Variants in RPS6KC1 observed in about 807,000 individuals in gnomAD.
RPS6KC1 encodes ribosomal protein S6 kinase C1.
A neutral mutation model predicts 103.8 loss-of-function variants in RPS6KC1; 54 were observed. That is an observed-to-expected ratio of 0.52 (90% CI 0.42 to 0.65). RPS6KC1 has a LOEUF of 0.65. Ranked by LOEUF, RPS6KC1 falls within the 30% of genes least tolerant of loss-of-function variation. The pLI, the probability that RPS6KC1 is intolerant of heterozygous loss-of-function variation, is 0.00. For synonymous variants in RPS6KC1, 439 were observed against 438.7 expected, an observed-to-expected ratio of 1.00 and a Z score of -0.01; for missense variants, 1,151 against 1,253.8, an observed-to-expected ratio of 0.92 and a Z score of 1.24.
intron 12 of RPS6KC1, among the ~76,000 whole-genome samples, chr1:213,243,991 T>A (rs901505400): frequency 2.6e-5 from 4 of 152,300 alleles, no homozygotes; most frequent in African/African-American, 9.6e-5. Context: ...CCTAAAACGT[T>A]CCTGAAAGCA....
chr1:213,213,422 T>G (rs931344094), intron 8 of RPS6KC1, among the ~76,000 whole-genome samples: 1 of 152,222 alleles, frequency 6.6e-6, no homozygotes, highest in African/African-American at 2.4e-5. Context: ...GGTTTGTCTA[T>G]TCTTTAGCCA....
the RPS6KC1 span, among the ~76,000 whole-genome samples, chr1:213,283,673 T>C: frequency 5.9e-5 from 9 of 152,116 alleles, no homozygotes; most frequent in Non-Finnish European, 1.0e-4. Flanking sequence ...ACTCTCAAAA[T>C]TGACCTGCCA....
the RPS6KC1 span, among the ~76,000 whole-genome samples, chr1:213,647,788 G>A: frequency 3.3e-5 from 5 of 152,166 alleles, no homozygotes; most frequent in African/African-American, 7.2e-5. Context: ...CATTTGTTAA[G>A]TGGTTAGGTC....
chr1:213,149,099 G>A (rs551573980), intron 6 of RPS6KC1, among the ~76,000 whole-genome samples: 2 of 151,138 alleles, frequency 1.3e-5, no homozygotes, highest in East Asian at 3.9e-4. Context: ...TGTCAATTTT[G>A]CTTACGTTTT....
chr1:213,496,378 T>C, the RPS6KC1 span, among the ~76,000 whole-genome samples: 1 of 152,122 alleles, frequency 6.6e-6, no homozygotes, highest in African/African-American at 2.4e-5. Context: ...TGGGCAAAGA[T>C]ATATTAGGTG....
At chr1:213,361,402 G>T in the RPS6KC1 span, among the ~76,000 whole-genome samples, 2 of 152,240 alleles carry the variant, frequency 1.3e-5, no homozygotes, top group Non-Finnish European at 2.9e-5. Flanking sequence ...TAAGACCATT[G>T]GAAAAGCACA....
the RPS6KC1 span, among the ~76,000 whole-genome samples, chr1:213,377,525 T>C: frequency 1.3e-5 from 2 of 152,244 alleles, no homozygotes; most frequent in Non-Finnish European, 2.9e-5. Flanking sequence ...TGGAATACTA[T>C]GGTTTTTATT....
the RPS6KC1 span, among the ~76,000 whole-genome samples, chr1:213,378,193 C>T: frequency 0.045 from 6,918 of 152,274 alleles, 516 homozygotes; most frequent in African/African-American, 0.16. Context: ...ATTTAACTCT[C>T]CCTCTAAGTG....
intron 1 of RPS6KC1, among the ~76,000 whole-genome samples, chr1:213,057,752 CTT>C (rs869259657): frequency 1.1e-4 from 8 of 73,696 alleles, no homozygotes; most frequent in African/African-American, 3.5e-4. Context: ...TCTGAAGTAT[CTT>C]TTTTTTTTTT....
the RPS6KC1 span, among the ~76,000 whole-genome samples, chr1:213,364,976 A>G: frequency 7.9e-5 from 12 of 152,040 alleles, no homozygotes; most frequent in Non-Finnish European, 1.8e-4. Context: ...AAACAATAAA[A>G]ATAAAAATCT....
At position 213,240,906 on chromosome 1, in the gene RPS6KC1, C is replaced by T. The variant is rs781594497; in HGVS notation, c.1430C>T (p.Thr477Ile). Residue 477 changes from threonine (T) to isoleucine (I), a missense_variant, in exon 11 of 15, where the codon ACT becomes ATT. Transcript: ENST00000366960. Reference sequence around the variant, plus strand: ...GCTCTGCCTTTGAAGAGTAGTCTTACTCCAAGTTCTCAAGATGACAGCAAC... The same window carrying T: ...GCTCTGCCTTTGAAGAGTAGTCTTATTCCAAGTTCTCAAGATGACAGCAAC... Reference protein sequence around the residue: ...LKALPLKSSLTPSSQDDSNQE... With the variant: ...LKALPLKSSLIPSSQDDSNQE... The T allele has an allele frequency of 1.9e-6, 3 of 1,613,812 alleles. No individual in the cohort carries two copies. Among genetic ancestry groups the T allele is most frequent in the African/African-American group, 1.3e-5 (1 of 74,998 alleles).
the RPS6KC1 span, among the ~76,000 whole-genome samples, chr1:213,632,652 G>A: frequency 3.3e-5 from 5 of 152,298 alleles, no homozygotes; most frequent in Admixed American, 1.3e-4. Context: ...CCAAAGGATC[G>A]CAGCTCCTCG....
the RPS6KC1 span, among the ~76,000 whole-genome samples, chr1:213,438,953 C>A: frequency 2.6e-5 from 4 of 151,952 alleles, no homozygotes; most frequent in African/African-American, 9.7e-5. Context: ...GCCACCACAC[C>A]CAGCTAATTT....
the RPS6KC1 span, among the ~76,000 whole-genome samples, chr1:213,311,296 A>G: frequency 2.0e-5 from 3 of 151,496 alleles, no homozygotes; most frequent in East Asian, 1.9e-4. Flanking sequence ...CCGCCACCAC[A>G]CCCGGCTAAT....
At chr1:213,226,332 T>G (rs1036266863) in intron 8 of RPS6KC1, among the ~76,000 whole-genome samples, 1 of 152,192 alleles carries the variant, frequency 6.6e-6, no homozygotes, top group African/African-American at 2.4e-5. Flanking sequence ...GAGCTCTCCT[T>G]TGCAGAAGGA....
downstream of RPS6KC1, among the ~76,000 whole-genome samples, chr1:213,275,112 G>A (rs770677628): frequency 6.6e-5 from 10 of 152,218 alleles, no homozygotes; most frequent in Non-Finnish European, 7.4e-5. Flanking sequence ...TTCAAGGTTC[G>A]TCCATGCTGT....
the RPS6KC1 span, among the ~76,000 whole-genome samples, chr1:213,351,443 T>C: frequency 5.3e-5 from 8 of 152,322 alleles, no homozygotes; most frequent in Admixed American, 3.9e-4. Flanking sequence ...AAGGTGTGAT[T>C]TGCTTGGCAG....
intron 8 of RPS6KC1, among the ~76,000 whole-genome samples, chr1:213,179,426 GAA>G (rs1352280422): frequency 1.5e-5 from 2 of 133,660 alleles, no homozygotes; most frequent in African/African-American, 5.5e-5. Flanking sequence ...AAAAAAAGAG[GAA>G]AAAAAAAAAA....
the RPS6KC1 span, among the ~76,000 whole-genome samples, chr1:213,432,998 T>A: frequency 1.3e-5 from 2 of 152,242 alleles, no homozygotes; most frequent in Non-Finnish European, 2.9e-5. Context: ...TCTAGTGGCA[T>A]GAAACAGCAC....
Sources: allele counts gnomAD v4.1 joint callset (sites outside exome capture counted in the v4.1 genomes callset), GRCh38; gene constraint gnomAD v4.1.1; transcripts MANE v1.5; gene names NCBI Gene and HGNC (gene_info 2026-07-23, HGNC 2026-07-21).